Variants in PDGFRA observed in about 807,000 individuals in gnomAD.
The protein encoded by PDGFRA is platelet derived growth factor receptor alpha.
Under a neutral mutation model 121.5 loss-of-function variants are expected in PDGFRA, and 25 were observed. The observed-to-expected ratio is 0.21, with a 90% confidence interval of 0.15 to 0.29. PDGFRA has a LOEUF of 0.29. PDGFRA is among the 10% of genes least tolerant of loss of function. PDGFRA has a pLI of 1.00. For synonymous variants in PDGFRA, 463 were observed against 494.8 expected (o/e 0.94, Z 0.85); for missense variants, 1,008 against 1,345.1 (o/e 0.75, Z 3.92).
chr4:54,270,176 C>T (rs111639235), intron 7 of PDGFRA, among the ~76,000 whole-genome samples: 7 of 152,110 alleles, frequency 4.6e-5, no homozygotes, highest in Non-Finnish European at 8.8e-5. Context: ...TCCTGCAGAC[C>T]GCTACATACA....
chr4:54,260,290 G>A (rs1434609718), intron 2 of PDGFRA, among the ~76,000 whole-genome samples: 3 of 152,032 alleles, frequency 2.0e-5, no homozygotes, highest in Non-Finnish European at 2.9e-5. Flanking sequence ...AGGGAGAGAC[G>A]GCATGCCCGA....
chr4:54,281,755 T>G lies in PDGFRA; in HGVS notation c.2323+1273T>G, dbSNP rs780149841. On this transcript the variant is annotated intron_variant, in intron 16 of 22. Transcript: ENST00000257290. ...ACATTTTCAAAAAGAATTGAGAACT[T>G]CTGGATTAAATTGCCTTCTTCCTCG... The G allele has an allele frequency of 1.2e-5, 16 of 1,348,066 alleles. No individual in the cohort carries two copies. In the African/African-American group the frequency reaches 2.3e-4, roughly 20 times the overall value. The allele number at this position is 1,348,066 out of a possible 1,614,324, so 83.5% of individuals were successfully genotyped here.
At chr4:54,259,127 T>A (rs1262422095) in intron 2 of PDGFRA, among the ~76,000 whole-genome samples, 13 of 152,074 alleles carry the variant, frequency 8.5e-5, no homozygotes, top group Admixed American at 8.5e-4. Context: ...GGACAAGGCT[T>A]CTATTAGAGC....
rs1723288050 is a variant in PDGFRA, at chr4:54,270,628, A to T, written c.1122-5A>T. On this transcript the variant is annotated splice_polypyrimidine_tract_variant and splice_region_variant and intron_variant, in intron 7 of 22. Transcript: ENST00000257290. Reference sequence around the variant, plus strand: ...CTTGTTGAAACAAAATCCTTTTTTTAAAAGGTATCGAAGCAAATTAAAGCT... The same window carrying T: ...CTTGTTGAAACAAAATCCTTTTTTTTAAAGGTATCGAAGCAAATTAAAGCT... 1 of 1,535,546 alleles carries T rather than the reference A, an allele frequency of 6.5e-7. No homozygotes were observed. Among genetic ancestry groups the T allele is most frequent in the Non-Finnish European group, 9.0e-7 (1 of 1,109,150 alleles).
intron 16 of PDGFRA, among the ~76,000 whole-genome samples, chr4:54,282,691 A>G (rs1461444266): frequency 1.3e-5 from 2 of 152,206 alleles, no homozygotes; most frequent in East Asian, 3.8e-4. Flanking sequence ...CCTCCACAAT[A>G]GTCCCCTCAA....
chr4:54,279,021 A>C (rs1723917186), intron 15 of PDGFRA: 1 of 351,898 alleles, frequency 2.8e-6, no homozygotes, highest in African/African-American at 2.1e-5. Flanking sequence ...CTTCATAATA[A>C]ATTACTTGGT....
chr4:54,288,704 T>G, intron 19 of PDGFRA, 95 bp from the exon 20 acceptor site: 1 of 803,356 alleles, frequency 1.2e-6, no homozygotes, highest in Non-Finnish European at 2.3e-6. Flanking sequence ...GGCTATAGGA[T>G]CTGAAAGGTT....
intron 8 of PDGFRA, among the ~76,000 whole-genome samples, chr4:54,272,019 CT>C (rs1250045024): frequency 2.8e-5 from 3 of 107,534 alleles, no homozygotes; most frequent in African/African-American, 1.1e-4. Context: ...CTCCCCTTCC[CT>C]TCCCTTCCCA....
At chr4:54,259,721 T>G (rs1046811349) in intron 2 of PDGFRA, among the ~76,000 whole-genome samples, 2 of 152,226 alleles carry the variant, frequency 1.3e-5, no homozygotes, top group Admixed American at 6.5e-5. Flanking sequence ...GTATACCCCA[T>G]CTACAGAGTA....
At chr4:54,294,741 G>C (rs1337922036) in intron 22 of PDGFRA, among the ~76,000 whole-genome samples, 1 of 152,170 alleles carries the variant, frequency 6.6e-6, no homozygotes, top group African/African-American at 2.4e-5. Flanking sequence ...GCTTCCGGGA[G>C]AGCACCTGAT....
rs763214177 is a variant in PDGFRA at position 54,273,718 on chromosome 4, C to A, written c.1546C>A (p.Leu516Met). 1 of 1,613,110 alleles carries A rather than the reference C, an allele frequency of 6.2e-7. No individual in the cohort carries two copies. Among genetic ancestry groups the A allele is most frequent in the South Asian group, 1.1e-5 (1 of 91,070 alleles). ...TGGAGCTGAGAACCGAGAGCTGAAG[C>A]TGGTGGCTCCCAGTGAGTTCCTCAA... The part of the protein sequence containing the change: ...LLGAENRELK[L>M]VAPTLRSELT... Residue 516 changes from leucine (L) to methionine (M), a missense_variant, in exon 10 of 23, where the codon CTG becomes ATG. Around this residue, in one of 5 missense-constraint regions of PDGFRA, gnomAD observed 575 missense variants for 701.8 expected, o/e 0.82. Transcript: ENST00000257290.
chr4:54,278,570 G>A (rs2110317698), intron 15 of PDGFRA, 55 bp downstream of exon 15: 2 of 1,549,724 alleles, frequency 1.3e-6, no homozygotes. Context: ...CATCACAAAT[G>A]GAAAGACCCA....
Position 54,280,316 on chromosome 4 carries a change from C to T in PDGFRA, c.2157C>T (p.Ser719=), listed in dbSNP as rs146251462. The T allele has an allele frequency of 3.7e-6, 6 of 1,613,014 alleles. No individual in the cohort carries two copies. The highest frequency in any genetic ancestry group is 5.1e-6 in the Non-Finnish European group (6 of 1,179,182). Residue 719 remains serine (S), a splice_region_variant and synonymous_variant, in exon 16 of 23, where the codon AGC becomes AGT. Coordinates refer to ENST00000257290, the MANE Select transcript of PDGFRA (RefSeq NM_006206.6). ...GLNPADESTR[S]YVILSFENNG... ...AAGATTTCTCTTTCTGTTTTTACAG[C>T]TATGTTATTTTATCTTTTGAAAACA...
At chr4:54,250,548 A>T (rs1192068808) in intron 1 of PDGFRA, among the ~76,000 whole-genome samples, 1 of 152,208 alleles carries the variant, frequency 6.6e-6, no homozygotes, top group Admixed American at 6.5e-5. Flanking sequence ...TTCTGATATG[A>T]CTTAGTGTAC....
rs878854824 is a variant in PDGFRA at position 54,274,969 on chromosome 4, G to A, written c.1782G>A (p.Val594=). 4.3e-6 allele frequency: 7 copies of A among 1,614,100 alleles called. No individual in the cohort carries two copies. The change falls in exon 12 of 23, where the codon GTG becomes GTA. Residue 594 remains valine (V), a synonymous_variant. Coordinates refer to ENST00000257290, the MANE Select transcript of PDGFRA (RefSeq NM_006206.6). The part of the protein sequence containing the change: ...SRWEFPRDGL[V]LGRVLGSGAF... ...GGGAGTTTCCAAGAGATGGACTAGT[G>A]CTTGGTAAGTTCCATGGGGTAACCT...
chr4:54,235,904 G>T (rs1049306255), intron 1 of PDGFRA, among the ~76,000 whole-genome samples: 1 of 152,264 alleles, frequency 6.6e-6, no homozygotes, highest in African/African-American at 2.4e-5. Flanking sequence ...AAAGACTGAG[G>T]TTCAGAGAGT....
chr4:54,242,832 A>G (rs1294844800), intron 1 of PDGFRA, among the ~76,000 whole-genome samples: 1 of 152,168 alleles, frequency 6.6e-6, no homozygotes, highest in Non-Finnish European at 1.5e-5. Flanking sequence ...TGTTTTCCTC[A>G]TGGAACCCCA....
At position 54,287,561 on chromosome 4, in the gene PDGFRA, G is replaced by T; in HGVS notation, c.2674+20G>T. ...CCCTTGGTATGGGCCTGACATTGCT[G>T]CTTATTTGGGCTGTTCTGAAACACC... is the stretch of plus-strand genomic sequence containing the variant. On this transcript the variant is annotated intron_variant, in intron 19 of 22. Transcript: ENST00000257290. The T allele has an allele frequency of 1.1e-6, 1 of 913,550 alleles. No homozygotes were observed. The highest frequency in any genetic ancestry group is 1.9e-6 in the Non-Finnish European group (1 of 539,242). 56.6% of individuals were successfully genotyped at this position (913,550 alleles called of 1,614,324 possible). A position where few individuals can be genotyped will look rare whatever the true frequency, so the allele number is the denominator to read the frequency against.
At chr4:54,233,607 A>T (rs1214840298) in intron 1 of PDGFRA, among the ~76,000 whole-genome samples, 1 of 152,218 alleles carries the variant, frequency 6.6e-6, no homozygotes, top group Non-Finnish European at 1.5e-5. Context: ...TCCTCCGGGC[A>T]GCCAGTGGAC....
Sources: allele counts gnomAD v4.1 joint callset (sites outside exome capture counted in the v4.1 genomes callset), GRCh38; gene constraint gnomAD v4.1.1; regional missense constraint gnomAD v4.1.1; transcripts MANE v1.5; gene names NCBI Gene and HGNC (gene_info 2026-07-23, HGNC 2026-07-21).